SSBP2: variants seen among roughly 807,000 people sequenced by gnomAD.
SSBP2 encodes single stranded DNA binding protein 2.
Under a neutral mutation model 61.8 loss-of-function variants are expected in SSBP2, and 17 were observed. The ratio of observed to expected loss-of-function variants is 0.28; its 90% CI spans 0.19 to 0.41. The LOEUF (loss-of-function observed/expected upper bound fraction) is 0.41, where lower values mean the gene tolerates loss of function less well. SSBP2 is among the 10% of genes least tolerant of loss of function. The pLI is 1.00. For synonymous variants in SSBP2, 139 were observed against 141.3 expected (o/e 0.98, Z 0.12); for missense variants, 310 against 458.7 (o/e 0.68, Z 2.96).
intron 4 of SSBP2, among the ~76,000 whole-genome samples, chr5:81,519,109 T>G (rs1210350320): frequency 6.6e-6 from 1 of 152,156 alleles, no homozygotes; most frequent in Non-Finnish European, 1.5e-5. Context: ...TTATTCTACC[T>G]TTTCAAAAGG....
In SSBP2 at chr5:81,539,792, C is replaced by T. The variant is rs138701630; in HGVS notation, c.283-26075G>A. Reference sequence around the variant, plus strand: ...TAAGTTCTGGATTACATGTGCAGAACGTGCAGGTTTGTTACATAGGTATAC... The same window carrying T: ...TAAGTTCTGGATTACATGTGCAGAATGTGCAGGTTTGTTACATAGGTATAC... On this transcript the variant is annotated intron_variant, in intron 4 of 16. Transcript: ENST00000320672. Among the ~76,000 whole-genome samples, 627 of 152,196 alleles carry T rather than the reference C, an allele frequency of 4.1e-3. 3 individuals carry two copies. Among genetic ancestry groups the T allele is most frequent in the African/African-American group, 0.014 (597 of 41,532 alleles).
At chr5:81,483,126 C>G (rs1174429317) in intron 6 of SSBP2, among the ~76,000 whole-genome samples, 1 of 151,758 alleles carries the variant, frequency 6.6e-6, no homozygotes, top group Non-Finnish European at 1.5e-5. Flanking sequence ...TTGTGGCAAC[C>G]CAAAACAATT....
chr5:81,591,975 C>T (rs1775543831), intron 4 of SSBP2, among the ~76,000 whole-genome samples: 1 of 152,224 alleles, frequency 6.6e-6, no homozygotes, highest in East Asian at 1.9e-4. Context: ...TGGGGAGTGC[C>T]AGACAGTAGC....
rs760449722 is a variant in SSBP2, at chr5:81,437,454, T to C, written c.933A>G (p.Ser311=). Residue 311 remains serine (S), a synonymous_variant, in exon 15 of 17, where the codon TCA becomes TCG. Transcript: ENST00000320672. Reference sequence around the variant, plus strand: ...CCTTGGAAATACTGTCCATATCTCCTGAGCCTGAAACAAAATATAAAAAGA... The same window carrying C: ...CCTTGGAAATACTGTCCATATCTCCCGAGCCTGAAACAAAATATAAAAAGA... The C allele has an allele frequency of 1.9e-6, 3 of 1,604,960 alleles. No individual in the cohort carries two copies. In the South Asian group the frequency reaches 3.4e-5, roughly 18 times the overall value.
In SSBP2 at chr5:81,697,678, A is replaced by G. The variant is rs532284597; in HGVS notation, c.63-47339T>C. Among the ~76,000 whole-genome samples, 14 of 152,298 alleles carry G rather than the reference A, an allele frequency of 9.2e-5. No homozygotes were observed. The South Asian group carries it at 2.9e-3, about 32-fold the overall frequency. ...AGGACAAAATTTTGAAGAACAAACT[A>G]AAACAGGGCCTGGGCTTTCAGCTCT... On this transcript the variant is annotated intron_variant, in intron 1 of 16. Coordinates refer to ENST00000320672, the MANE Select transcript of SSBP2 (RefSeq NM_012446.5).
intron 10 of SSBP2, among the ~76,000 whole-genome samples, chr5:81,457,208 A>G (rs1470441099): frequency 6.6e-6 from 1 of 152,110 alleles, no homozygotes; most frequent in Non-Finnish European, 1.5e-5. Context: ...GGGACATGTT[A>G]AAAGGTTAAG....
intron 5 of SSBP2, among the ~76,000 whole-genome samples, chr5:81,511,274 G>GT (rs1768584216): frequency 1.3e-5 from 2 of 152,200 alleles, no homozygotes; most frequent in Non-Finnish European, 2.9e-5. Context: ...TTTCTATGCT[G>GT]TAATGGCCTC....
At chr5:81,433,094 C>T (rs1204435558) in intron 15 of SSBP2, among the ~76,000 whole-genome samples, 6 of 152,020 alleles carry the variant, frequency 3.9e-5, no homozygotes, top group Non-Finnish European at 7.4e-5. Context: ...GCCACCACCC[C>T]GTCTGGGAGG....
chr5:81,690,424 A>G (rs1223415365), intron 1 of SSBP2, among the ~76,000 whole-genome samples: 1 of 152,170 alleles, frequency 6.6e-6, no homozygotes, highest in East Asian at 1.9e-4. Context: ...CCATGCAAAC[A>G]GAAACCTAAA....
At chr5:81,613,855 A>G (rs1255342987) in intron 4 of SSBP2, among the ~76,000 whole-genome samples, 1 of 152,208 alleles carries the variant, frequency 6.6e-6, no homozygotes, top group Admixed American at 6.5e-5. Context: ...AACCAAGGGT[A>G]AAAAAGGAAA....
intron 4 of SSBP2, among the ~76,000 whole-genome samples, chr5:81,524,593 T>C (rs1769767156): frequency 1.3e-5 from 2 of 152,196 alleles, no homozygotes; most frequent in South Asian, 4.1e-4. Context: ...CCTAAAACGT[T>C]ACTGTACTTG....
chr5:81,547,664 T>A (rs1431986451), intron 4 of SSBP2, among the ~76,000 whole-genome samples: 2 of 152,048 alleles, frequency 1.3e-5, no homozygotes, highest in African/African-American at 4.8e-5. Flanking sequence ...GTAGAGACGA[T>A]GTCTTGCTAT....
intron 4 of SSBP2, among the ~76,000 whole-genome samples, chr5:81,608,453 C>T (rs961361138): frequency 2.0e-5 from 3 of 152,132 alleles, no homozygotes; most frequent in African/African-American, 2.4e-5. Context: ...ATATAATTTC[C>T]TATTTTTTGA....
At position 81,449,553 on chromosome 5, in the gene SSBP2, GA is replaced by G. The variant is rs535098290; in HGVS notation, c.688-729del. Among the ~76,000 whole-genome samples, 12 of 152,174 alleles carry G rather than the reference GA, an allele frequency of 7.9e-5. No homozygotes were observed. The South Asian group carries it at 2.5e-3, about 32-fold the overall frequency. ...AACACCAATAGATTACTCTCTACTC[GA>G]AGTCAGACAGCCAGGGCCAGAATAG... is the stretch of plus-strand genomic sequence containing the variant. On this transcript the variant is annotated intron_variant, in intron 10 of 16. Transcript: ENST00000320672.
intron 9 of SSBP2, among the ~76,000 whole-genome samples, chr5:81,465,925 A>G (rs1764861081): frequency 6.6e-6 from 1 of 151,986 alleles, no homozygotes; most frequent in African/African-American, 2.4e-5. Flanking sequence ...CCTAGCTGGT[A>G]CCCACCTATT....
At chr5:81,659,010 A>T (rs890507948) in intron 1 of SSBP2, among the ~76,000 whole-genome samples, 1 of 152,200 alleles carries the variant, frequency 6.6e-6, no homozygotes, top group Non-Finnish European at 1.5e-5. Context: ...TTGATGGAAC[A>T]TATCTCAAAA....
At chr5:81,431,970 T>A (rs1053800811) in intron 15 of SSBP2, among the ~76,000 whole-genome samples, 23 of 152,260 alleles carry the variant, frequency 1.5e-4, no homozygotes, top group African/African-American at 5.1e-4. Flanking sequence ...TTTAAAATTT[T>A]AAATTTTTCC....
intron 1 of SSBP2, among the ~76,000 whole-genome samples, chr5:81,697,044 A>G (rs1335440954): frequency 1.3e-5 from 2 of 152,222 alleles, no homozygotes; most frequent in Non-Finnish European, 2.9e-5. Flanking sequence ...GAGATCAGAA[A>G]GAAAAGTACC....
rs1476670314 is a variant in SSBP2 at position 81,418,965 on chromosome 5, A to G, written c.*1539T>C. On this transcript the variant is annotated 3_prime_UTR_variant, in exon 17 of 17. Coordinates refer to ENST00000320672, the MANE Select transcript of SSBP2 (RefSeq NM_012446.5). ...TCTAGAGTTTGGATTCATAGTTGGT[A>G]TTTATCAATGGTTGTTTGTATCACA... is the stretch of plus-strand genomic sequence containing the variant. 3 of 152,294 alleles carry G rather than the reference A, an allele frequency of 2.0e-5. No homozygotes were observed. The East Asian group carries it at 5.8e-4, about 29-fold the overall frequency. The allele number at this position is 152,294 out of a possible 1,614,324, so 9.4% of individuals were successfully genotyped here.
Sources: allele counts gnomAD v4.1 joint callset (sites outside exome capture counted in the v4.1 genomes callset), GRCh38; gene constraint gnomAD v4.1.1; transcripts MANE v1.5; gene names NCBI Gene and HGNC (gene_info 2026-07-23, HGNC 2026-07-21).